Variants in DYRK1A observed in about 807,000 individuals in gnomAD.
The protein encoded by DYRK1A is dual specificity tyrosine phosphorylation regulated kinase 1A.
A neutral mutation model predicts 79.7 loss-of-function variants in DYRK1A; 9 were observed. The ratio of observed to expected loss-of-function variants is 0.11; its 90% CI spans 0.07 to 0.20. The LOEUF is 0.20. DYRK1A is among the 10% of genes least tolerant of loss of function. The probability of loss-of-function intolerance (pLI) is 1.00; values close to 1 mark genes in which losing one functional copy is unlikely to be tolerated. For missense variants in DYRK1A, 622 were observed against 956.0 expected (o/e 0.65, Z 4.61); for synonymous variants, 349 against 329.7 (o/e 1.06, Z -0.63).
At chr21:37,453,699 A>G (rs2051535957) in intron 2 of DYRK1A, among the ~76,000 whole-genome samples, 1 of 152,178 alleles carries the variant, frequency 6.6e-6, no homozygotes, top group African/African-American at 2.4e-5. Flanking sequence ...CTTCTCATTG[A>G]AATGTATTAT....
chr21:37,447,872 G>A (rs886620113), intron 2 of DYRK1A, among the ~76,000 whole-genome samples: 1 of 152,116 alleles, frequency 6.6e-6, no homozygotes, highest in African/African-American at 2.4e-5. Flanking sequence ...AAAGCACTTG[G>A]TGTTTTCTAG....
intron 1 of DYRK1A, among the ~76,000 whole-genome samples, chr21:37,370,058 T>C (rs762415647): frequency 4.6e-5 from 7 of 152,216 alleles, no homozygotes; most frequent in African/African-American, 7.2e-5. Flanking sequence ...GTGTTACTTA[T>C]GGAGAGTTAC....
chr21:37,448,688 A>C (rs563661245), intron 2 of DYRK1A, among the ~76,000 whole-genome samples: 2 of 152,208 alleles, frequency 1.3e-5, no homozygotes, highest in East Asian at 3.9e-4. Flanking sequence ...AAGTATTTAA[A>C]ATTTTTTTTG....
intron 1 of DYRK1A, among the ~76,000 whole-genome samples, chr21:37,388,654 ATT>A (rs34307432): frequency 2.1e-5 from 3 of 140,704 alleles, no homozygotes; most frequent in African/African-American, 2.6e-5. Context: ...TTTTTTCTCC[ATT>A]TTTTTTTTTT....
At chr21:37,391,375 T>C (rs898727378) in intron 1 of DYRK1A, among the ~76,000 whole-genome samples, 1 of 152,236 alleles carries the variant, frequency 6.6e-6, no homozygotes. Flanking sequence ...CTGCCACTAC[T>C]GTGCCATCTT....
In DYRK1A at chr21:37,493,070, A is replaced by T. The variant is rs768284969; in HGVS notation, c.978A>T (p.Gly326=). ...RFYRSPEVLL[G]MPYDLAIDMW... ...ATCGGTCTCCAGAGGTGCTACTGGGAATGCCTTATGACCTTGCCATTGATA... is the reference window on the plus strand; with the variant it reads ...ATCGGTCTCCAGAGGTGCTACTGGGTATGCCTTATGACCTTGCCATTGATA... Residue 326 remains glycine, a synonymous_variant, in exon 8 of 12, where the codon GGA becomes GGT. Transcript: ENST00000647188. 6.5e-7 allele frequency: 1 copy of T among 1,541,522 alleles called. No individual in the cohort carries two copies. Among genetic ancestry groups the T allele is most frequent in the Non-Finnish European group, 8.8e-7 (1 of 1,131,314 alleles).
intron 1 of DYRK1A, among the ~76,000 whole-genome samples, chr21:37,411,287 C>T (rs183477067): frequency 2.3e-4 from 35 of 151,962 alleles, no homozygotes; most frequent in African/African-American, 6.5e-4. Flanking sequence ...ACCCAGGAGG[C>T]GGAGGTTGCA....
intron 2 of DYRK1A, among the ~76,000 whole-genome samples, chr21:37,452,987 A>G (rs936860891): frequency 6.6e-6 from 1 of 152,184 alleles, no homozygotes; most frequent in African/African-American, 2.4e-5. Flanking sequence ...GCTTACGCCT[A>G]TAATCCCAGC....
intron 1 of DYRK1A, among the ~76,000 whole-genome samples, chr21:37,403,657 A>ATGTGTG (rs1569295416): frequency 1.6e-5 from 2 of 124,952 alleles, no homozygotes; most frequent in African/African-American, 6.5e-5. Flanking sequence ...AAATATATAT[A>ATGTGTG]TATATATGTG....
In DYRK1A at chr21:37,476,818, T is replaced by TCCCCC. The variant is rs71328590; in HGVS notation, c.208-1382_208-1378dup. On this transcript the variant is annotated intron_variant, in intron 3 of 11. Transcript: ENST00000647188. ...GACAAATAGTATAATCACCAAGGGT[T>TCCCCC]CCCCCCCCCCCCAACCTTATTTGGA... Among the ~76,000 whole-genome samples, 189 of 77,856 alleles carry TCCCCC rather than the reference T, an allele frequency of 2.4e-3. 4 individuals are homozygous for TCCCCC. The highest frequency in any genetic ancestry group is 3.1e-3 in the African/African-American group (59 of 19,178). 51.1% of individuals were successfully genotyped at this position (77,856 alleles called of 152,430 possible).
intron 1 of DYRK1A, among the ~76,000 whole-genome samples, chr21:37,403,805 T>C (rs2148404687): frequency 6.6e-6 from 1 of 151,700 alleles, no homozygotes; most frequent in East Asian, 1.9e-4. Flanking sequence ...ACTGTTTTTT[T>C]TTTTTTCTTC....
rs1045278202 is a variant in DYRK1A, at chr21:37,420,501, C to G, written c.10+117C>G. 5.9e-6 allele frequency: 6 copies of G among 1,015,590 alleles called. No homozygotes were observed. The African/African-American group carries it at 9.7e-5, about 16-fold the overall frequency. The allele number at this position is 1,015,590 out of a possible 1,614,324, so 62.9% of individuals were successfully genotyped here. ...GCAGTTAGTGGGGGGAATTGTAGAT[C>G]AGTAAATGCAAAGGTAGTTGGGCTA... On this transcript the variant is annotated intron_variant, in intron 2 of 11. Transcript: ENST00000647188.
chr21:37,489,862 A>G (rs2053017695), intron 6 of DYRK1A, among the ~76,000 whole-genome samples: 1 of 152,148 alleles, frequency 6.6e-6, no homozygotes, highest in African/African-American at 2.4e-5. Flanking sequence ...TTGCTGAAAT[A>G]TTCTCACTGC....
intron 2 of DYRK1A, among the ~76,000 whole-genome samples, chr21:37,460,775 T>C (rs1484397699): frequency 6.6e-6 from 1 of 152,226 alleles, no homozygotes; most frequent in Non-Finnish European, 1.5e-5. Flanking sequence ...ACCTGGAATT[T>C]TCATGACTGC....
chr21:37,510,626 C>G lies in DYRK1A; in HGVS notation c.1645-1285C>G, dbSNP rs530725496. On this transcript the variant is annotated intron_variant, in intron 11 of 11. Transcript: ENST00000647188. Reference sequence around the variant, plus strand: ...CCAAAATATGGTAGCTTAAAGAGTACCAAGTTTCCTTCATTTTTGTGCAAC... The same window carrying G: ...CCAAAATATGGTAGCTTAAAGAGTAGCAAGTTTCCTTCATTTTTGTGCAAC... Among the ~76,000 whole-genome samples the G allele has an allele frequency of 6.6e-5, 10 of 152,250 alleles. No homozygotes were observed. In the South Asian group the frequency reaches 2.1e-3, roughly 32 times the overall value.
intron 2 of DYRK1A, among the ~76,000 whole-genome samples, chr21:37,450,065 G>A (rs913607736): frequency 3.3e-5 from 5 of 152,178 alleles, no homozygotes; most frequent in Non-Finnish European, 7.3e-5. Flanking sequence ...GCATTGCTAT[G>A]TGAGCCTCAA....
rs1300051236 is a variant in DYRK1A at position 37,524,611 on chromosome 21, C to T, written c.*12080C>T. 6.6e-6 allele frequency: 1 copy of T among 152,188 alleles called. No homozygotes were observed. The highest frequency in any genetic ancestry group is 2.4e-5 in the African/African-American group (1 of 41,448). The allele number at this position is 152,188 out of a possible 1,614,324, so 9.4% of individuals were successfully genotyped here. A position where few individuals can be genotyped will look rare whatever the true frequency, so the allele number is the denominator to read the frequency against. ...AAAGAGTTGACATTAGGAATGACAT[C>T]AGTAGTCGACTAAAAAGGCAAATGG... On this transcript the variant is annotated 3_prime_UTR_variant, in exon 12 of 12. Transcript: ENST00000647188.
At chr21:37,404,480 A>T (rs2050113248) in intron 1 of DYRK1A, among the ~76,000 whole-genome samples, 1 of 152,164 alleles carries the variant, frequency 6.6e-6, no homozygotes, top group Non-Finnish European at 1.5e-5. Context: ...TGGCTCTCCT[A>T]CATCCAGACT....
rs2053840380 is a variant in DYRK1A, at chr21:37,514,337, A to G, written c.*1806A>G. On this transcript the variant is annotated 3_prime_UTR_variant, in exon 12 of 12. Coordinates refer to ENST00000647188, the MANE Select transcript of DYRK1A (RefSeq NM_001347721.2). Reference sequence around the variant, plus strand: ...TTGTGTTCCCATTTTAAATTGACCAATTTTGGGGTGTGACACTTTTGAGCG... The same window carrying G: ...TTGTGTTCCCATTTTAAATTGACCAGTTTTGGGGTGTGACACTTTTGAGCG... 6.6e-6 allele frequency: 1 copy of G among 152,588 alleles called. No homozygotes were observed. Among genetic ancestry groups the G allele is most frequent in the South Asian group, 2.1e-4 (1 of 4,824 alleles). 9.5% of individuals were successfully genotyped at this position (152,588 alleles called of 1,614,324 possible). A position where few individuals can be genotyped will look rare whatever the true frequency, so the allele number is the denominator to read the frequency against.
Sources: gnomAD v4.1 joint callset for allele counts (sites outside exome capture counted in the v4.1 genomes callset) on GRCh38, gnomAD v4.1.1 for gene constraint, MANE v1.5 for transcripts, NCBI Gene and HGNC (gene_info 2026-07-23, HGNC 2026-07-21) for gene names.